The following PTPRN2 variants were observed in gnomAD, a reference collection of about 807,000 sequenced individuals.
PTPRN2 encodes protein tyrosine phosphatase receptor type N2, also known as receptor-type tyrosine-protein phosphatase N2.
In PTPRN2, 74 loss-of-function variants were observed where a neutral mutation model predicts 118.8. That is an observed-to-expected ratio of 0.62 (90% CI 0.52 to 0.76). The LOEUF is 0.76. Among genes scored for constraint, PTPRN2 ranks in the 30% least tolerant of loss-of-function variants. PTPRN2 has a pLI of 0.00. For missense variants in PTPRN2, 1,481 were observed against 1,394.4 expected (o/e 1.06, Z -0.99); for synonymous variants, 641 against 608.0 (o/e 1.05, Z -0.80).
At chr7:158,344,607 A>G (rs796908788) in intron 2 of PTPRN2, among the ~76,000 whole-genome samples, 8 of 152,314 alleles carry the variant, frequency 5.3e-5, no homozygotes, top group African/African-American at 1.9e-4. Flanking sequence ...TTCTAGCCCA[A>G]GAATGAGTGA....
intron 14 of PTPRN2, among the ~76,000 whole-genome samples, chr7:157,654,963 G>A (rs963445213): frequency 2.6e-5 from 4 of 152,282 alleles, no homozygotes; most frequent in Admixed American, 2.6e-4. Context: ...TTCTAAAAGG[G>A]ACAAATGTCA....
At chr7:157,928,324 G>A (rs1019176091) in intron 11 of PTPRN2, among the ~76,000 whole-genome samples, 24 of 152,136 alleles carry the variant, frequency 1.6e-4, no homozygotes, top group Non-Finnish European at 2.9e-4. Flanking sequence ...GCTCTTGGTC[G>A]CCTGGAGATC....
chr7:157,788,785 C>T (rs1804244923), intron 12 of PTPRN2, among the ~76,000 whole-genome samples: 1 of 152,076 alleles, frequency 6.6e-6, no homozygotes, highest in South Asian at 2.1e-4. Flanking sequence ...ATAGGGGAGG[C>T]TTCTGGGGCC....
In PTPRN2 at chr7:157,539,872, C is replaced by A. The variant is rs1335624720; in HGVS notation, c.*842G>T. 6.6e-6 allele frequency: 1 copy of A among 152,276 alleles called. No homozygotes were observed. Among genetic ancestry groups the A allele is most frequent in the Non-Finnish European group, 1.5e-5 (1 of 68,054 alleles). The allele number at this position is 152,276 out of a possible 1,614,324, so 9.4% of individuals were successfully genotyped here. On this transcript the variant is annotated 3_prime_UTR_variant, in exon 23 of 23. Coordinates refer to ENST00000389418, the MANE Select transcript of PTPRN2 (RefSeq NM_002847.5). The stretch of plus-strand genomic sequence containing the variant: ...CTCCCGGGGACCCTCATAGCTTGCT[C>A]AATGCCCAGATTTGTTCTTCCTGGT...
chr7:158,087,137 T>A (rs185725648), intron 10 of PTPRN2, among the ~76,000 whole-genome samples: 4 of 152,204 alleles, frequency 2.6e-5, no homozygotes, highest in African/African-American at 9.6e-5. Flanking sequence ...CCCTGCTCAG[T>A]CAGGAGGGGT....
At chr7:158,267,263 G>A (rs1009950753) in intron 3 of PTPRN2, among the ~76,000 whole-genome samples, 1 of 152,220 alleles carries the variant, frequency 6.6e-6, no homozygotes, top group African/African-American at 2.4e-5. Context: ...GGGATGATGG[G>A]TGCTGGGTGC....
intron 3 of PTPRN2, among the ~76,000 whole-genome samples, chr7:158,231,537 C>T (rs1249561346): frequency 6.6e-6 from 1 of 152,208 alleles, no homozygotes; most frequent in African/African-American, 2.4e-5. Context: ...GGCACTTCAA[C>T]ACCCCATTCT....
chr7:157,963,096 G>A (rs1039129741), intron 11 of PTPRN2, among the ~76,000 whole-genome samples: 3 of 152,236 alleles, frequency 2.0e-5, no homozygotes, highest in Non-Finnish European at 2.9e-5. Flanking sequence ...CAGCACAGAC[G>A]TGCTCAGCAG....
At position 157,990,723 on chromosome 7, in the gene PTPRN2, C is replaced by A. The variant is rs879361421; in HGVS notation, c.1723+90575G>T. Among the ~76,000 whole-genome samples, 2 of 152,146 alleles carry A rather than the reference C, an allele frequency of 1.3e-5. No individual in the cohort carries two copies. The highest frequency in any genetic ancestry group is 6.5e-5 in the Admixed American group (1 of 15,278). ...GGCCGGTGCTCAGGAGCTGGGGCTG[C>A]CTGGGGCACAAAGCACGTGGACTAG... On this transcript the variant is annotated intron_variant, in intron 11 of 22. Transcript: ENST00000389418. The surrounding 1 kb of genome is among the most constrained non-coding windows in gnomAD (Gnocchi z 4.3).
At chr7:158,080,554 ACT>A (rs1249197711) in intron 11 of PTPRN2, among the ~76,000 whole-genome samples, 1 of 147,726 alleles carries the variant, frequency 6.8e-6, no homozygotes, top group African/African-American at 2.5e-5. Flanking sequence ...TAAACAATAC[ACT>A]CTACAAGAGT....
intron 14 of PTPRN2, among the ~76,000 whole-genome samples, chr7:157,645,878 C>T (rs1008118994): frequency 1.3e-5 from 2 of 152,216 alleles, no homozygotes; most frequent in Non-Finnish European, 2.9e-5. Context: ...GACTTGCTTG[C>T]TGGGACACAG....
intron 19 of PTPRN2, among the ~76,000 whole-genome samples, chr7:157,572,932 C>T (rs991329386): frequency 6.6e-6 from 1 of 152,172 alleles, no homozygotes; most frequent in Non-Finnish European, 1.5e-5. Context: ...CACAGTGGTG[C>T]GAAGGCTTTG....
rs1266087048 is a variant in PTPRN2, at chr7:158,015,852, G to A, written c.1723+65446C>T. ...AATTAAGACAAAAATAGACACGGAA[G>A]CCGCGATCGAGGAGGAGGGGGAACA... On this transcript the variant is annotated intron_variant, in intron 11 of 22. Coordinates refer to ENST00000389418, the MANE Select transcript of PTPRN2 (RefSeq NM_002847.5). The surrounding 1 kb of genome is among the most constrained non-coding windows in gnomAD (Gnocchi z 4.2). 6.6e-6 allele frequency among the ~76,000 whole-genome samples: 1 copy of A among 152,190 alleles called. No individual in the cohort carries two copies. Among genetic ancestry groups the A allele is most frequent in the Non-Finnish European group, 1.5e-5 (1 of 68,046 alleles).
chr7:158,420,020 A>C (rs79865041), intron 2 of PTPRN2, among the ~76,000 whole-genome samples: 73 of 152,218 alleles, frequency 4.8e-4, no homozygotes, highest in Non-Finnish European at 8.8e-4. Flanking sequence ...CACTGTTACA[A>C]TCTTGTGCAC....
intron 2 of PTPRN2, among the ~76,000 whole-genome samples, chr7:158,465,051 C>T (rs1246671864): frequency 1.3e-5 from 2 of 152,248 alleles, no homozygotes; most frequent in African/African-American, 2.4e-5. Flanking sequence ...TTATCGCAGA[C>T]TGGAGCTAAG....
At chr7:158,340,374 C>G in intron 2 of PTPRN2, among the ~76,000 whole-genome samples, 1 of 99,070 alleles carries the variant, frequency 1.0e-5, no homozygotes, top group East Asian at 3.0e-4. Flanking sequence ...AGGTCACTCA[C>G]ACCCATACTC....
chr7:158,527,602 T>C (rs569533153), intron 1 of PTPRN2, among the ~76,000 whole-genome samples: 1 of 152,344 alleles, frequency 6.6e-6, no homozygotes, highest in South Asian at 2.1e-4. Flanking sequence ...AGGCCGCTGG[T>C]CCTTCCTAAC....
intron 16 of PTPRN2, among the ~76,000 whole-genome samples, chr7:157,597,037 C>T (rs1312604526): frequency 1.3e-5 from 2 of 152,234 alleles, no homozygotes; most frequent in African/African-American, 2.4e-5. Context: ...CCCGTGCAGC[C>T]GTCACCAGCC....
At chr7:157,728,764 C>A (rs1799735177) in intron 12 of PTPRN2, among the ~76,000 whole-genome samples, 1 of 152,344 alleles carries the variant, frequency 6.6e-6, no homozygotes. Flanking sequence ...TTACCTGCTT[C>A]TTATATGAGG....
Sources: gnomAD v4.1 joint callset for allele counts (sites outside exome capture counted in the v4.1 genomes callset) on GRCh38, gnomAD v4.1.1 for gene constraint, Gnocchi (gnomAD v3.1) non-coding constraint, MANE v1.5 for transcripts, NCBI Gene and HGNC (gene_info 2026-07-23, HGNC 2026-07-21) for gene names.